SLC2A6: variants seen among roughly 807,000 people sequenced by gnomAD.
The protein encoded by SLC2A6 is solute carrier family 2, facilitated glucose transporter member 6.
A neutral mutation model predicts 47.8 loss-of-function variants in SLC2A6; 39 were observed. That is an observed-to-expected ratio of 0.82 (90% CI 0.63 to 1.07). The LOEUF is 1.07. SLC2A6 is among the 50% of genes least tolerant of loss of function. The probability of loss-of-function intolerance (pLI) is 0.00; values close to 1 mark genes in which losing one functional copy is unlikely to be tolerated. For missense variants in SLC2A6, 650 were observed against 707.6 expected (o/e 0.92, Z 0.92); for synonymous variants, 346 against 324.1 (o/e 1.07, Z -0.73).
chr9:133,473,457 G>A lies in SLC2A6; in HGVS notation c.1180C>T (p.Leu394Phe). The change falls in exon 8 of 10, where the codon CTC (leucine) becomes TTC (phenylalanine). Residue 394 changes from leucine to phenylalanine, a missense_variant. Transcript: ENST00000371899. ...GTGGCCAGCAGGGGCACCAGGGTGA[G>A]GTAGCCAGCGGGTGCTGCCAGGGGC... ...AQPLAAPAGYLTLVPLLATML... is the reference protein window; with the variant it reads ...AQPLAAPAGYFTLVPLLATML... 6.2e-7 allele frequency: 1 copy of A among 1,606,076 alleles called. No individual in the cohort carries two copies. The highest frequency in any genetic ancestry group is 1.3e-5 in the African/African-American group (1 of 74,936).
At chr9:133,475,279 C>G (rs587638164) in intron 5 of SLC2A6, 121 bp downstream of exon 5, 11 of 1,366,836 alleles carry the variant, frequency 8.0e-6, no homozygotes, top group Admixed American at 2.8e-5. Flanking sequence ...CCACCCCAAC[C>G]CAGGCACTTG....
intron 6 of SLC2A6, 37 bp from the exon 7 acceptor site, chr9:133,474,125 C>A: frequency 2.0e-6 from 3 of 1,496,002 alleles, no homozygotes; most frequent in Non-Finnish European, 2.7e-6. Flanking sequence ...AGGGACCTGC[C>A]TGCTGTTCCC....
At chr9:133,475,819 G>C (rs143584570) in intron 4 of SLC2A6, among the ~76,000 whole-genome samples, 47 of 152,350 alleles carry the variant, frequency 3.1e-4, no homozygotes, top group African/African-American at 1.1e-3. Context: ...AAAGTCTTAG[G>C]GCCAGGGCAG....
In SLC2A6 at chr9:133,478,977, GCCCTGTC is replaced by G. The variant is rs1403742420; in HGVS notation, c.76_82del (p.Asp26ArgfsTer49). 6.3e-7 allele frequency: 1 copy of G among 1,587,560 alleles called. No homozygotes were observed. Among genetic ancestry groups the G allele is most frequent in the African/African-American group, 1.4e-5 (1 of 72,918 alleles). On this transcript the variant is annotated frameshift_variant, in exon 1 of 10. Coordinates refer to ENST00000371899, the MANE Select transcript of SLC2A6 (RefSeq NM_017585.4). LOFTEE classifies it high-confidence loss of function. ...ACCTAGCGACTCTCACCCGACCCGC[GCCCTGTC>G]CCCTGGCGACGGGGGCGGCTTCTCG...
chr9:133,476,181 T>C, intron 4 of SLC2A6, 56 bp downstream of exon 4: 1 of 1,382,014 alleles, frequency 7.2e-7, no homozygotes, highest in Non-Finnish European at 1.0e-6. Context: ...ACGTCTACCT[T>C]GGCGGCACCC....
rs960969447 is a variant in SLC2A6, at chr9:133,471,312, C to T, written c.*709G>A. 2 of 151,570 alleles carry T rather than the reference C, an allele frequency of 1.3e-5. No homozygotes were observed. Among genetic ancestry groups the T allele is most frequent in the African/African-American group, 4.8e-5 (2 of 41,274 alleles). The allele number at this position is 151,570 out of a possible 1,614,324, so 9.4% of individuals were successfully genotyped here. On this transcript the variant is annotated 3_prime_UTR_variant, in exon 10 of 10. Transcript: ENST00000371899. ...CATGATCTCAGCTCATTGCAGCCTC[C>T]ACCTCCCGGGTTCAAGCAATGCTGC...
chr9:133,474,291 C>T (rs1554802695), intron 6 of SLC2A6, among the ~76,000 whole-genome samples: 1 of 152,264 alleles, frequency 6.6e-6, no homozygotes, highest in Non-Finnish European at 1.5e-5. Flanking sequence ...CTGCTCTGCC[C>T]ACCACTATGC....
rs370961911 is a variant in SLC2A6 at position 133,475,521 on chromosome 9, G to A, written c.653C>T (p.Pro218Leu). The change falls in exon 5 of 10, where the codon CCG (proline) becomes CTG (leucine). Residue 218 changes from proline to leucine, a missense_variant. Physicochemically the swap from Pro to Leu is moderately conservative, Grantham distance 98. Transcript: ENST00000371899. ...CCTGCCCCGAGAGAGCAGGAAGCGC[G>A]GCGAGTTGGGCATGAAGCTGAGCAG... ...ILLLSFMPNS[P>L]RFLLSRGRDE... The A allele has an allele frequency of 4.9e-5, 79 of 1,610,828 alleles. No individual in the cohort carries two copies. Among genetic ancestry groups the A allele is most frequent in the Non-Finnish European group, 6.4e-5 (75 of 1,179,796 alleles).
At chr9:133,475,186 A>C in intron 5 of SLC2A6, 73 bp from the exon 6 acceptor site, 1 of 1,446,422 alleles carries the variant, frequency 6.9e-7, no homozygotes. Context: ...CTGGACCGCC[A>C]GGGGTTGTGT....
rs782815144 is a variant in SLC2A6 at position 133,472,333 on chromosome 9, C to A, written c.1369-157G>T. ...CCGCCCCCCCACACCAGGGCTCCCC[C>A]ACTGTCCCCAGGACAAATCCGAAGT... On this transcript the variant is annotated intron_variant, in intron 9 of 9. Coordinates refer to ENST00000371899, the MANE Select transcript of SLC2A6 (RefSeq NM_017585.4). Among the ~76,000 whole-genome samples the A allele has an allele frequency of 2.0e-5, 3 of 152,048 alleles. No individual in the cohort carries two copies. The East Asian group carries it at 5.8e-4, about 29-fold the overall frequency.
intron 1 of SLC2A6, 35 bp from the exon 2 acceptor site, chr9:133,478,451 C>CT (rs1554803938): frequency 1.9e-6 from 3 of 1,612,276 alleles, no homozygotes; most frequent in Middle Eastern, 1.7e-4. Flanking sequence ...ACCAGGGTCT[C>CT]TGAGTCCCTC....
chr9:133,475,687 T>A, intron 4 of SLC2A6, 76 bp from the exon 5 acceptor site: 1 of 1,307,962 alleles, frequency 7.6e-7, no homozygotes, highest in South Asian at 1.4e-5. Context: ...CTGAATAACC[T>A]CATCTGCCCT....
Position 133,475,021 on chromosome 9 carries a change from C to G in SLC2A6, c.867G>C (p.Thr289=). Residue 289 remains threonine, a synonymous_variant, in exon 6 of 10, where the codon ACG becomes ACC. Transcript: ENST00000371899. ...GGTAGACCAGGATGGGCGTGATGCC[C>G]GTCAGCTGCTGCAGGAGGCGCATCA... The part of the protein sequence containing the change: ...ALLMRLLQQL[T]GITPILVYLQ... 6.3e-7 allele frequency: 1 copy of G among 1,595,836 alleles called. No homozygotes were observed. Among genetic ancestry groups the G allele is most frequent in the Non-Finnish European group, 8.5e-7 (1 of 1,172,810 alleles).
At chr9:133,475,855 G>C (rs1455666632) in intron 4 of SLC2A6, among the ~76,000 whole-genome samples, 1 of 152,214 alleles carries the variant, frequency 6.6e-6, no homozygotes, top group Non-Finnish European at 1.5e-5. Flanking sequence ...GGTTGGGCAG[G>C]CAAGGCCCTA....
chr9:133,472,080 G>A lies in SLC2A6; in HGVS notation c.1465C>T (p.Arg489Trp), dbSNP rs267602153. The A allele has an allele frequency of 8.1e-6, 13 of 1,613,292 alleles. No individual in the cohort carries two copies. Among genetic ancestry groups the A allele is most frequent in the East Asian group, 2.2e-5 (1 of 44,874 alleles). ...AAGGACTCGATCTGCTCCAGGGACC[G>A]TCCCTTGGTCTCGGGCACACAGCAG... ...TGCCVPETKG[R>W]SLEQIESFFR... The change falls in exon 10 of 10, where the codon CGG becomes TGG. Residue 489 changes from arginine (R) to tryptophan (W), a missense_variant. By Grantham distance (101) the Arg-to-Trp change is moderately radical. Coordinates refer to ENST00000371899, the MANE Select transcript of SLC2A6 (RefSeq NM_017585.4).
chr9:133,476,130 G>T, intron 4 of SLC2A6, 107 bp downstream of exon 4: 2 of 896,198 alleles, frequency 2.2e-6, no homozygotes, highest in Non-Finnish European at 3.4e-6. Flanking sequence ...TTGCCTCTCA[G>T]CCCAGGATCT....
chr9:133,478,946 C>G, intron 1 of SLC2A6, 22 bp downstream of exon 1: 1 of 1,541,622 alleles, frequency 6.5e-7, no homozygotes, highest in Non-Finnish European at 8.7e-7. Context: ...CCACCCGCAG[C>G]CCCCAACCTA....
intron 1 of SLC2A6, 117 bp from the exon 2 acceptor site, chr9:133,478,533 T>A: frequency 5.2e-6 from 6 of 1,147,598 alleles, no homozygotes; most frequent in Non-Finnish European, 7.5e-6. Context: ...GAGGCCTGGG[T>A]CCAAGGCCAT....
chr9:133,472,365 T>C (rs867634837), intron 9 of SLC2A6, among the ~76,000 whole-genome samples, 189 bp from the exon 10 acceptor site: 3 of 151,982 alleles, frequency 2.0e-5, no homozygotes, highest in Admixed American at 6.6e-5. Context: ...AAGTAGCCCT[T>C]GAAGTCTGCA....
Sources: allele counts gnomAD v4.1 joint callset (sites outside exome capture counted in the v4.1 genomes callset), GRCh38; gene constraint gnomAD v4.1.1; transcripts MANE v1.5; gene names NCBI Gene and HGNC (gene_info 2026-07-23, HGNC 2026-07-21).